The following APC variants were observed in gnomAD, a reference collection of about 807,000 sequenced individuals.
APC encodes the protein adenomatous polyposis coli protein.
APC carries 72 observed loss-of-function variants against 247.0 expected under a neutral mutation model. The ratio of observed to expected loss-of-function variants is 0.29; its 90% CI spans 0.24 to 0.35. The LOEUF (loss-of-function observed/expected upper bound fraction) is 0.35. APC is among the 10% of genes least tolerant of loss of function. The pLI is 1.00. For synonymous variants in APC, 1,254 were observed against 1,162.5 expected (o/e 1.08, Z -1.60); for missense variants, 3,400 against 3,360.7 (o/e 1.01, Z -0.29).
intron 15 of APC, among the ~76,000 whole-genome samples, 197 bp downstream of exon 15, chr5:112,835,362 G>C (rs150852234): frequency 1.8e-4 from 28 of 152,218 alleles, no homozygotes; most frequent in African/African-American, 6.3e-4. Flanking sequence ...TTATAGAGGA[G>C]ACTAAATTAA....
At chr5:112,749,272 A>G (rs923842122) in intron 1 of APC, among the ~76,000 whole-genome samples, 1 of 152,032 alleles carries the variant, frequency 6.6e-6, no homozygotes. Flanking sequence ...TTTTCACACA[A>G]TCTTTGACCT....
chr5:112,832,131 T>G (rs2149830495), intron 14 of APC, among the ~76,000 whole-genome samples: 1 of 152,328 alleles, frequency 6.6e-6, no homozygotes, highest in Middle Eastern at 3.4e-3. Context: ...AACCTCTAAT[T>G]ATTTATTTTG....
intron 8 of APC, among the ~76,000 whole-genome samples, chr5:112,804,301 T>C (rs1448234953): frequency 1.3e-5 from 2 of 152,236 alleles, no homozygotes; most frequent in Non-Finnish European, 2.9e-5. Context: ...CCACACCTGC[T>C]CCTCACTGTA....
intron 1 of APC, among the ~76,000 whole-genome samples, chr5:112,715,141 C>T (rs1046328917): frequency 3.9e-5 from 6 of 152,150 alleles, no homozygotes; most frequent in Non-Finnish European, 8.8e-5. Context: ...CGTTTGAAAG[C>T]GTTACTGAAT....
At chr5:112,712,880 A>G (rs1750938077) in intron 1 of APC, among the ~76,000 whole-genome samples, 1 of 152,196 alleles carries the variant, frequency 6.6e-6, no homozygotes, top group Admixed American at 6.5e-5. Flanking sequence ...TGATTTAAAC[A>G]GTATCTCGGG....
rs1765879843 is a variant in APC, at chr5:112,840,804, G to T, written c.5210G>T (p.Ser1737Ile). The stretch of plus-strand genomic sequence containing the variant: ...AATTCTGCTATGCCCAAAGGGAAAA[G>T]TCACAAGCCTTTCCGTGTGAAAAAG... Reference protein sequence around the residue: ...CINSAMPKGKSHKPFRVKKIM... With the variant: ...CINSAMPKGKIHKPFRVKKIM... Residue 1737 changes from serine (S) to isoleucine (I), a missense_variant, in exon 16 of 16, where the codon AGT becomes ATT. Transcript: ENST00000257430. The surrounding 1 kb of genome is among the most constrained non-coding windows in gnomAD (Gnocchi z 4.1). The T allele has an allele frequency of 6.2e-7, 1 of 1,614,128 alleles. No individual in the cohort carries two copies. Among genetic ancestry groups the T allele is most frequent in the Non-Finnish European group, 8.5e-7 (1 of 1,179,992 alleles).
chr5:112,769,271 G>A (rs537041053), intron 4 of APC, among the ~76,000 whole-genome samples: 187 of 151,824 alleles, frequency 1.2e-3, no homozygotes, highest in African/African-American at 4.2e-3. Flanking sequence ...GGCTGGTCTC[G>A]ATCTCCTGAC....
chr5:112,749,914 T>G lies in APC; in HGVS notation c.-18-4959T>G, dbSNP rs28373740. On this transcript the variant is annotated intron_variant, in intron 1 of 15. Coordinates refer to ENST00000257430, the MANE Select transcript of APC (RefSeq NM_000038.6). ...CTGTCTCTAATCATACTTAGTTGTT[T>G]TTTTTTTTTTAAATCCAACTTTTGG... 0.4 allele frequency among the ~76,000 whole-genome samples: 59,779 copies of G among 149,228 alleles called. 14,222 individuals carry two copies. Among genetic ancestry groups the G allele is most frequent in the East Asian group, 0.66 (3,324 of 5,026 alleles).
At chr5:112,751,888 T>C (rs1037134484) in intron 1 of APC, among the ~76,000 whole-genome samples, 3 of 152,184 alleles carry the variant, frequency 2.0e-5, no homozygotes, top group South Asian at 2.1e-4. Context: ...TGATAGATCA[T>C]GTTAAAGAAA....
Position 112,840,105 on chromosome 5 carries a change from C to T in APC, c.4511C>T (p.Ser1504Phe), listed in dbSNP as rs1239085756. Residue 1504 changes from serine (S) to phenylalanine (F), a missense_variant, in exon 16 of 16, where the codon TCC becomes TTC. Ser to Phe is a radical substitution (Grantham distance 155, BLOSUM62 -2). This residue lies in a region of APC where 1,788 missense variants were observed against 1,649.5 expected (regional missense o/e 1.08). Coordinates refer to ENST00000257430, the MANE Select transcript of APC (RefSeq NM_000038.6). The surrounding 1 kb of genome is among the most constrained non-coding windows in gnomAD (Gnocchi z 4.1). ...ACTCCAGATGGATTTTCTTGTTCAT[C>T]CAGCCTGAGTGCTCTGAGCCTCGAT... ...ESTPDGFSCS[S>F]SLSALSLDEP... 1.2e-6 allele frequency: 2 copies of T among 1,614,098 alleles called. No individual in the cohort carries two copies. The highest frequency in any genetic ancestry group is 1.7e-6 in the Non-Finnish European group (2 of 1,180,012).
chr5:112,796,815 TAC>T (rs1760256132), intron 7 of APC, among the ~76,000 whole-genome samples: 1 of 152,124 alleles, frequency 6.6e-6, no homozygotes, highest in Non-Finnish European at 1.5e-5. Context: ...TAGCTTTAGT[TAC>T]AGTTAGTTCT....
At chr5:112,742,381 A>G (rs965439627) in intron 1 of APC, among the ~76,000 whole-genome samples, 1 of 152,158 alleles carries the variant, frequency 6.6e-6, no homozygotes. Flanking sequence ...ATTTCTGTAT[A>G]ACAAATTGTA....
chr5:112,755,151 T>A lies in APC; in HGVS notation c.135+126T>A, dbSNP rs554998612. 8 of 1,358,352 alleles carry A rather than the reference T, an allele frequency of 5.9e-6. No individual in the cohort carries two copies. In the East Asian group the frequency reaches 1.3e-4, roughly 22 times the overall value. 84.1% of individuals were successfully genotyped at this position (1,358,352 alleles called of 1,614,324 possible). A position where few individuals can be genotyped will look rare whatever the true frequency, so the allele number is the denominator to read the frequency against. ...ATTAAGCAATAATATGTAAACTCTT[T>A]CTTGCAAAAGTTAGCATTTATATTT... On this transcript the variant is annotated intron_variant, in intron 2 of 15. Transcript: ENST00000257430.
Position 112,838,839 on chromosome 5 carries a change from C to T in APC, c.3245C>T (p.Thr1082Ile), listed in dbSNP as rs730881244. The T allele has an allele frequency of 6.2e-7, 1 of 1,614,042 alleles. No individual in the cohort carries two copies. The highest frequency in any genetic ancestry group is 2.2e-5 in the East Asian group (1 of 44,888). Reference protein sequence around the residue: ...STTYPVYTESTDDKHLKFQPH... With the variant: ...STTYPVYTESIDDKHLKFQPH... ...ACTTATCCTGTTTATACTGAGAGCA[C>T]TGATGATAAACACCTCAAGTTCCAA... Residue 1082 changes from threonine (T) to isoleucine (I), a missense_variant, in exon 16 of 16, where the codon ACT becomes ATT. Thr to Ile is a moderately conservative substitution (Grantham distance 89). This residue lies in a region of APC where 715 missense variants were observed against 656.6 expected (regional missense o/e 1.09). Coordinates refer to ENST00000257430, the MANE Select transcript of APC (RefSeq NM_000038.6).
intron 2 of APC, among the ~76,000 whole-genome samples, chr5:112,756,324 C>A (rs1339692307): frequency 2.0e-5 from 3 of 152,184 alleles, no homozygotes; most frequent in Non-Finnish European, 4.4e-5. Flanking sequence ...ATCCAATATA[C>A]CTACTTCAAA....
chr5:112,805,635 A>G (rs1194392452), intron 8 of APC, among the ~76,000 whole-genome samples: 1 of 152,162 alleles, frequency 6.6e-6, no homozygotes, highest in African/African-American at 2.4e-5. Context: ...TTATTCCAAA[A>G]GTCCTTTCAT....
chr5:112,709,431 T>A (rs1750720263), intron 1 of APC, among the ~76,000 whole-genome samples: 1 of 152,216 alleles, frequency 6.6e-6, no homozygotes, highest in African/African-American at 2.4e-5. Flanking sequence ...GCCTTCACTT[T>A]TCTGGAACCA....
chr5:112,793,339 C>T (rs1219233598), intron 7 of APC, among the ~76,000 whole-genome samples: 1 of 151,974 alleles, frequency 6.6e-6, no homozygotes, highest in African/African-American at 2.4e-5. Flanking sequence ...ATGCTGAAAC[C>T]CCCACTGGCA....
chr5:112,736,108 G>C (rs1261488865), upstream of APC, among the ~76,000 whole-genome samples: 1 of 152,122 alleles, frequency 6.6e-6, no homozygotes, highest in African/African-American at 2.4e-5. Flanking sequence ...TTCTGAATTT[G>C]TCACAAAAAA....
Sources: gnomAD v4.1 joint callset for allele counts (sites outside exome capture counted in the v4.1 genomes callset) on GRCh38, gnomAD v4.1.1 for gene constraint, gnomAD v4.1.1 regional missense constraint, Gnocchi (gnomAD v3.1) non-coding constraint, MANE v1.5 for transcripts, NCBI Gene and HGNC (gene_info 2026-07-23, HGNC 2026-07-21) for gene names.